The following ADCY8 variants were observed in gnomAD, a reference collection of about 807,000 sequenced individuals.
The protein encoded by ADCY8 is adenylate cyclase type 8.
In ADCY8, 51 loss-of-function variants were observed where a neutral mutation model predicts 119.7. The observed-to-expected ratio is 0.43, with a 90% CI of 0.34 to 0.54. ADCY8 has a LOEUF of 0.54. Ranked by LOEUF, ADCY8 falls within the 20% of genes least tolerant of loss-of-function variation. ADCY8 has a pLI of 0.03. For missense variants in ADCY8, 1,383 were observed against 1,598.8 expected (o/e 0.87, Z 2.30); for synonymous variants, 665 against 651.0 (o/e 1.02, Z -0.33).
At chr8:131,013,772 G>A (rs536934129) in intron 1 of ADCY8, among the ~76,000 whole-genome samples, 5 of 152,260 alleles carry the variant, frequency 3.3e-5, no homozygotes, top group East Asian at 1.9e-4. Flanking sequence ...AACTTGCCAA[G>A]GGCTTGTTTT....
At chr8:130,896,968 T>C in intron 7 of ADCY8, among the ~76,000 whole-genome samples, 1 of 152,070 alleles carries the variant, frequency 6.6e-6, no homozygotes, top group East Asian at 1.9e-4. Flanking sequence ...TGTTGGATCA[T>C]CCAGTCCAGT....
At chr8:131,034,076 T>C (rs758804395) in intron 1 of ADCY8, among the ~76,000 whole-genome samples, 4 of 152,092 alleles carry the variant, frequency 2.6e-5, no homozygotes, top group Admixed American at 6.6e-5. Flanking sequence ...GTGCATTAAA[T>C]TGGATTCCAG....
chr8:130,832,025 G>C (rs1456403716), intron 12 of ADCY8, among the ~76,000 whole-genome samples: 2 of 152,218 alleles, frequency 1.3e-5, no homozygotes, highest in Non-Finnish European at 2.9e-5. Flanking sequence ...AGGGCTTAGA[G>C]AAGTTAAATC....
At chr8:130,974,021 CAATACTCTTTTG>C (rs1821998707) in intron 2 of ADCY8, among the ~76,000 whole-genome samples, 1 of 152,128 alleles carries the variant, frequency 6.6e-6, no homozygotes. Flanking sequence ...ACACACAAGC[CAATACTCTTTTG>C]AATACTCTTG....
chr8:130,862,470 C>A (rs541387732), intron 9 of ADCY8, among the ~76,000 whole-genome samples: 14 of 152,110 alleles, frequency 9.2e-5, no homozygotes, highest in African/African-American at 3.4e-4. Context: ...TGAATTGCAG[C>A]GGCGCAATCT....
At chr8:130,900,469 C>T (rs1238930230) in intron 7 of ADCY8, among the ~76,000 whole-genome samples, 1 of 152,202 alleles carries the variant, frequency 6.6e-6, no homozygotes, top group Non-Finnish European at 1.5e-5. Context: ...TCTGACTCTA[C>T]CATCTCACCA....
At chr8:130,931,255 A>G (rs1482527801) in intron 5 of ADCY8, among the ~76,000 whole-genome samples, 2 of 152,138 alleles carry the variant, frequency 1.3e-5, no homozygotes, top group African/African-American at 2.4e-5. Context: ...CACTTTGAAT[A>G]TGTCTCCCAC....
rs982834554 is a variant in ADCY8 at position 131,007,830 on chromosome 8, T to G, written c.961-17288A>C. On this transcript the variant is annotated intron_variant, in intron 1 of 17. Transcript: ENST00000286355. ...CTGCCCTCAAGTAGTTCAGGTCTGG[T>G]GAGGAAGGCAGACAATTAGACATGC... is the stretch of plus-strand genomic sequence containing the variant. Among the ~76,000 whole-genome samples the G allele has an allele frequency of 2.0e-5, 3 of 152,244 alleles. No individual in the cohort carries two copies. The East Asian group carries it at 5.8e-4, about 29-fold the overall frequency.
At chr8:130,788,371 G>A (rs897885607) in intron 15 of ADCY8, among the ~76,000 whole-genome samples, 11 of 152,250 alleles carry the variant, frequency 7.2e-5, no homozygotes, top group Non-Finnish European at 1.3e-4. Flanking sequence ...ATTATGGTAA[G>A]TGAAATAAGC....
intron 14 of ADCY8, among the ~76,000 whole-genome samples, chr8:130,804,946 C>T (rs1007328234): frequency 2.0e-5 from 3 of 152,122 alleles, no homozygotes; most frequent in African/African-American, 4.8e-5. Flanking sequence ...GGGGTTTCAT[C>T]ACATTGGCCA....
intron 2 of ADCY8, among the ~76,000 whole-genome samples, chr8:130,973,815 G>A (rs1331758776): frequency 3.3e-5 from 5 of 151,946 alleles, no homozygotes; most frequent in Non-Finnish European, 7.4e-5. Context: ...GCTACTCAAT[G>A]GAGCAAAAAA....
chr8:130,943,966 G>T (rs2130641359), intron 3 of ADCY8, among the ~76,000 whole-genome samples: 1 of 152,228 alleles, frequency 6.6e-6, no homozygotes, highest in Middle Eastern at 3.4e-3. Context: ...ATGACAATAG[G>T]TGGCAAATCT....
chr8:130,873,470 C>T (rs1299504166), intron 8 of ADCY8, among the ~76,000 whole-genome samples: 1 of 152,102 alleles, frequency 6.6e-6, no homozygotes, highest in South Asian at 2.1e-4. Context: ...AGGCATGCGC[C>T]ACCACACCCA....
intron 7 of ADCY8, among the ~76,000 whole-genome samples, chr8:130,902,126 G>A (rs946631998): frequency 3.3e-5 from 5 of 152,168 alleles, no homozygotes; most frequent in Non-Finnish European, 7.4e-5. Context: ...ACTGGAGAGA[G>A]ATTTTTCAAA....
Position 130,896,242 on chromosome 8 carries a change from G to A in ADCY8, c.1911+7530C>T, listed in dbSNP as rs191652584. 5.4e-4 allele frequency among the ~76,000 whole-genome samples: 82 copies of A among 152,224 alleles called. No homozygotes were observed. The Middle Eastern group carries it at 0.01, about 19-fold the overall frequency. ...GCACCATCAAACTAAGCTCCGGAGT[G>A]CTTGCCCCACCTTCGTCTCTATCCC... On this transcript the variant is annotated intron_variant, in intron 7 of 17. Coordinates refer to ENST00000286355, the MANE Select transcript of ADCY8 (RefSeq NM_001115.3).
At chr8:130,968,793 C>T (rs1049161263) in intron 2 of ADCY8, among the ~76,000 whole-genome samples, 1 of 152,132 alleles carries the variant, frequency 6.6e-6, no homozygotes, top group Non-Finnish European at 1.5e-5. Context: ...GGGGAAAATG[C>T]TGAGGTCTCC....
intron 1 of ADCY8, among the ~76,000 whole-genome samples, chr8:131,026,313 C>A (rs1289561053): frequency 6.6e-6 from 1 of 152,144 alleles, no homozygotes; most frequent in East Asian, 1.9e-4. Context: ...CAGGCCCTCA[C>A]CAGGCACCAA....
intron 16 of ADCY8, among the ~76,000 whole-genome samples, chr8:130,784,212 G>A (rs1423104757): frequency 1.3e-5 from 2 of 151,410 alleles, no homozygotes; most frequent in African/African-American, 2.4e-5. Context: ...GGGTATATGT[G>A]TGGGTATGGG....
At position 130,995,034 on chromosome 8, in the gene ADCY8, G is replaced by A. The variant is rs151074189; in HGVS notation, c.961-4492C>T. On this transcript the variant is annotated intron_variant, in intron 1 of 17. Coordinates refer to ENST00000286355, the MANE Select transcript of ADCY8 (RefSeq NM_001115.3). ...TCCCAGATTACTAACATTTCACACT[G>A]GCTAGGTTGTGGGGAAAATAGTCAC... Among the ~76,000 whole-genome samples, 94 of 152,238 alleles carry A rather than the reference G, an allele frequency of 6.2e-4. No homozygotes were observed. In the East Asian group the frequency reaches 0.015, roughly 23 times the overall value.
Sources: gnomAD v4.1 joint callset for allele counts (sites outside exome capture counted in the v4.1 genomes callset) on GRCh38, gnomAD v4.1.1 for gene constraint, MANE v1.5 for transcripts, NCBI Gene and HGNC (gene_info 2026-07-23, HGNC 2026-07-21) for gene names.